The following HYDIN variants were observed in gnomAD, a reference collection of about 807,000 sequenced individuals.
The protein encoded by HYDIN is axonemal central pair apparatus protein HYDIN.
HYDIN carries 132 observed loss-of-function variants against 403.9 expected under a neutral mutation model. The observed-to-expected ratio is 0.33, with a 90% CI of 0.28 to 0.38. The LOEUF is 0.38. Ranked by LOEUF, HYDIN falls within the 10% of genes least tolerant of loss-of-function variation. HYDIN has a pLI of 1.00. For synonymous variants in HYDIN, 1,202 were observed against 1,891.7 expected (o/e 0.64, Z 9.46); for missense variants, 2,827 against 5,009.5 (o/e 0.56, Z 13.15).
At chr16:71,152,945 C>T in intron 6 of HYDIN, 162 bp from the exon 7 acceptor site, 1 of 591,056 alleles carries the variant, frequency 1.7e-6, no homozygotes, top group South Asian at 2.1e-5. Context: ...TGTGAAAGAA[C>T]TTTAGTTTTA....
At position 71,218,552 on chromosome 16, in the gene HYDIN, C is replaced by G. The variant is rs568329857; in HGVS notation, c.-24+12010G>C. 3.1e-3 allele frequency among the ~76,000 whole-genome samples: 469 copies of G among 152,324 alleles called. 4 individuals are homozygous for G. The highest frequency in any genetic ancestry group is 0.011 in the African/African-American group (442 of 41,578). ...CCATCTGTTTAATTGTAATTACAAA[C>G]AGCGATGTAAAAACGCAAATGATTA... On this transcript the variant is annotated intron_variant, in intron 1 of 85. Transcript: ENST00000393567.
At position 70,895,727 on chromosome 16, in the gene HYDIN, CT is replaced by C. The variant is rs534774918; in HGVS notation, c.9148+253del. On this transcript the variant is annotated intron_variant, in intron 54 of 85. Coordinates refer to ENST00000393567, the MANE Select transcript of HYDIN (RefSeq NM_001270974.2). ...ATACAGGAAAGAGGAGAGGTGTTTA[CT>C]GTAAATGACTGCTCTGAAAAGAGCT... Among the ~76,000 whole-genome samples, 33 of 152,056 alleles carry C rather than the reference CT, an allele frequency of 2.2e-4. No individual in the cohort carries two copies. The East Asian group carries it at 6.0e-3, about 28-fold the overall frequency.
At chr16:70,953,697 C>T (rs1238115982) in intron 40 of HYDIN, among the ~76,000 whole-genome samples, 1 of 151,858 alleles carries the variant, frequency 6.6e-6, no homozygotes, top group African/African-American at 2.4e-5. Flanking sequence ...ACTCTCCCAG[C>T]TGTGTCTCTA....
chr16:70,887,808 C>T (rs1282476805), intron 58 of HYDIN, among the ~76,000 whole-genome samples: 10 of 150,992 alleles, frequency 6.6e-5, no homozygotes, highest in African/African-American at 1.7e-4. Flanking sequence ...CTCAGCCTCT[C>T]GAGTAGCTGG....
chr16:70,870,153 CT>C (rs1388509580), intron 65 of HYDIN, among the ~76,000 whole-genome samples: 3 of 151,284 alleles, frequency 2.0e-5, no homozygotes, highest in Admixed American at 2.0e-4. Context: ...CAAGAGGTTA[CT>C]TGGGTGCTCT....
intron 43 of HYDIN, among the ~76,000 whole-genome samples, 197 bp from the exon 44 acceptor site, chr16:70,938,952 G>A (rs1175185212): frequency 6.6e-6 from 1 of 152,184 alleles, no homozygotes; most frequent in Non-Finnish European, 1.5e-5. Flanking sequence ...TGGCTGAACA[G>A]TGGCCCCCAA....
chr16:71,198,060 T>G (rs1426010188), intron 1 of HYDIN, among the ~76,000 whole-genome samples: 2 of 152,244 alleles, frequency 1.3e-5, no homozygotes, highest in African/African-American at 2.4e-5. Flanking sequence ...TAATTCTCTT[T>G]TATGACTTAA....
chr16:70,841,195 C>A (rs1162684566), intron 75 of HYDIN, among the ~76,000 whole-genome samples: 1 of 152,154 alleles, frequency 6.6e-6, no homozygotes, highest in Non-Finnish European at 1.5e-5. Flanking sequence ...GCAGGATATG[C>A]AGGTTTGTTA....
At chr16:71,212,984 G>C (rs2088677364) in intron 1 of HYDIN, among the ~76,000 whole-genome samples, 1 of 152,090 alleles carries the variant, frequency 6.6e-6, no homozygotes, top group Non-Finnish European at 1.5e-5. Flanking sequence ...GTTAGATTGG[G>C]AGCTAACTTC....
chr16:71,174,025 C>CT (rs769281743), intron 5 of HYDIN, among the ~76,000 whole-genome samples: 1 of 152,194 alleles, frequency 6.6e-6, no homozygotes, highest in Non-Finnish European at 1.5e-5. Context: ...GTTCTCCCCA[C>CT]AGACAATATT....
chr16:70,919,351 T>A (rs1421366777), intron 46 of HYDIN, among the ~76,000 whole-genome samples: 1 of 151,958 alleles, frequency 6.6e-6, no homozygotes, highest in Admixed American at 6.5e-5. Context: ...AAATCACAAT[T>A]CCTTAGCTAA....
chr16:70,877,078 C>G (rs1209484117), intron 62 of HYDIN, among the ~76,000 whole-genome samples: 1 of 150,718 alleles, frequency 6.6e-6, no homozygotes, highest in Non-Finnish European at 1.5e-5. Context: ...TTAATGGAAA[C>G]TTTAACAGTA....
intron 73 of HYDIN, among the ~76,000 whole-genome samples, chr16:70,853,893 T>C (rs1244864210): frequency 8.9e-5 from 9 of 101,270 alleles, no homozygotes; most frequent in African/African-American, 2.2e-4. Flanking sequence ...TCTTTCTTTC[T>C]TTTTTTTTTT....
chr16:71,050,650 G>C (rs1470782844), intron 18 of HYDIN, among the ~76,000 whole-genome samples: 1 of 151,572 alleles, frequency 6.6e-6, no homozygotes, highest in Non-Finnish European at 1.5e-5. Flanking sequence ...TACATATGTA[G>C]CCTCTTCAGG....
chr16:71,137,886 TAAAACAAAAC>T (rs55688728), intron 7 of HYDIN, among the ~76,000 whole-genome samples: 29 of 150,286 alleles, frequency 1.9e-4, no homozygotes, highest in South Asian at 1.5e-3. Flanking sequence ...AAACAGCAAT[TAAAACAAAAC>T]AAAACAAAAC....
At chr16:70,925,916 A>G (rs1305426439) in intron 45 of HYDIN, among the ~76,000 whole-genome samples, 3 of 150,292 alleles carry the variant, frequency 2.0e-5, no homozygotes, top group Non-Finnish European at 4.5e-5. Flanking sequence ...ATGAGATATC[A>G]TCTCACACCA....
At chr16:70,828,636 T>C (rs1597058712) in intron 81 of HYDIN, among the ~76,000 whole-genome samples, 1 of 151,808 alleles carries the variant, frequency 6.6e-6, no homozygotes, top group Non-Finnish European at 1.5e-5. Context: ...AGAGAGCCTA[T>C]TGAAGAAAAA....
chr16:71,039,896 T>C (rs1435003560), intron 18 of HYDIN, among the ~76,000 whole-genome samples: 1 of 152,160 alleles, frequency 6.6e-6, no homozygotes, highest in Non-Finnish European at 1.5e-5. Context: ...AGCTGCCCCA[T>C]GCGACAAGGC....
chr16:71,177,854 G>C (rs1883773814), intron 4 of HYDIN, among the ~76,000 whole-genome samples: 2 of 151,972 alleles, frequency 1.3e-5, no homozygotes, highest in South Asian at 4.2e-4. Context: ...AACTCTTCAG[G>C]CATTTAATAT....
Sources: gnomAD v4.1 joint callset for allele counts (sites outside exome capture counted in the v4.1 genomes callset) on GRCh38, gnomAD v4.1.1 for gene constraint, MANE v1.5 for transcripts, NCBI Gene and HGNC (gene_info 2026-07-23, HGNC 2026-07-21) for gene names.